The following TTLL8 variants were observed in gnomAD, a reference collection of about 807,000 sequenced individuals.
TTLL8 encodes the protein tubulin tyrosine ligase like 8.
Under a neutral mutation model 77.8 loss-of-function variants are expected in TTLL8, and 65 were observed. That is an observed-to-expected ratio of 0.84 (90% CI 0.68 to 1.03). The LOEUF (loss-of-function observed/expected upper bound fraction) is 1.03. TTLL8 is among the 50% of genes least tolerant of loss of function. TTLL8 has a pLI of 0.00. For missense variants in TTLL8, 910 were observed against 1,004.5 expected, an observed-to-expected ratio of 0.91 and a Z score of 1.27; for synonymous variants, 402 against 422.8, an observed-to-expected ratio of 0.95 and a Z score of 0.60.
intron 6 of TTLL8, among the ~76,000 whole-genome samples, chr22:50,042,021 A>T (rs2061374860): frequency 1.3e-5 from 2 of 152,224 alleles, no homozygotes; most frequent in South Asian, 4.1e-4. Flanking sequence ...GTGTCTGGGC[A>T]GGTGACTTCC....
Position 50,033,451 on chromosome 22 carries a change from A to G in TTLL8, c.1040-6T>C. 7.4e-7 allele frequency: 1 copy of G among 1,358,410 alleles called. No individual in the cohort carries two copies. The highest frequency in any genetic ancestry group is 1.1e-5 in the South Asian group (1 of 87,776). The allele number at this position is 1,358,410 out of a possible 1,614,324, so 84.1% of individuals were successfully genotyped here. A position where few individuals can be genotyped will look rare whatever the true frequency, so the allele number is the denominator to read the frequency against. Reference sequence around the variant, plus strand: ...ACGGTCCATGCACACTATGTCTGCAAGAGGCCACCGCTCAACCCAGCATGC... The same window carrying G: ...ACGGTCCATGCACACTATGTCTGCAGGAGGCCACCGCTCAACCCAGCATGC... On this transcript the variant is annotated splice_region_variant and splice_polypyrimidine_tract_variant and intron_variant, in intron 9 of 13. Coordinates refer to ENST00000266182, the Ensembl canonical transcript of TTLL8.
rs1384168136 is a variant in TTLL8, at chr22:50,041,464, G to T, written c.830+157C>A. ...AAGCATCCCAGACATCCAGACAGGA[G>T]CCCCAACGCCAGGACAGGCATCTCA... On this transcript the variant is annotated intron_variant, in intron 7 of 13. Transcript: ENST00000266182. The surrounding 1 kb of genome is among the most constrained non-coding windows in gnomAD (Gnocchi z 4.3). 2 of 959,798 alleles carry T rather than the reference G, an allele frequency of 2.1e-6. No individual in the cohort carries two copies. The highest frequency in any genetic ancestry group is 2.5e-6 in the Non-Finnish European group (2 of 806,850). The allele number at this position is 959,798 out of a possible 1,614,324, so 59.5% of individuals were successfully genotyped here.
intron 6 of TTLL8, 63 bp downstream of exon 8, chr22:50,045,191 GA>G: frequency 7.7e-7 from 1 of 1,297,582 alleles, no homozygotes; most frequent in Non-Finnish European, 1.0e-6. Context: ...CAGGAGGCGG[GA>G]GGGCCCCTGT....
rs756272911 is a variant in TTLL8, at chr22:50,033,190, C to T, written c.1283+12G>A. 1.5e-6 allele frequency: 2 copies of T among 1,310,190 alleles called. No homozygotes were observed. The highest frequency in any genetic ancestry group is 1.0e-6 in the Non-Finnish European group (1 of 989,562). 81.2% of individuals were successfully genotyped at this position (1,310,190 alleles called of 1,614,324 possible). Reference sequence around the variant, plus strand: ...CCTGGCCCGAGGTGTCCAGGTCGCCCACCGCACTGACCTGTCCAGCTTGTC... The same window carrying T: ...CCTGGCCCGAGGTGTCCAGGTCGCCTACCGCACTGACCTGTCCAGCTTGTC... On this transcript the variant is annotated intron_variant, in intron 10 of 13. Coordinates refer to ENST00000266182, the Ensembl canonical transcript of TTLL8.
At chr22:50,056,261 G>A (rs1286923553), upstream of TTLL8, among the ~76,000 whole-genome samples, 1 of 152,112 alleles carries the variant, frequency 6.6e-6, no homozygotes, top group Admixed American at 6.5e-5. The surrounding 1 kb of genome is among the most constrained non-coding windows in gnomAD (Gnocchi z 4.1). Context: ...TCCCGGAACC[G>A]CACTCCGAGA....
chr22:50,032,707 C>T (rs756016202), intron 10 of TTLL8, among the ~76,000 whole-genome samples: 3 of 152,184 alleles, frequency 2.0e-5, no homozygotes, highest in Non-Finnish European at 4.4e-5. Context: ...CAGAGGAAGC[C>T]TTGGTGCAGA....
rs200850321 is a variant in TTLL8, at chr22:50,049,311, C to T, written c.202G>A (p.Ala68Thr). 1.1e-3 allele frequency: 1,533 copies of T among 1,367,596 alleles called. 14 individuals are homozygous for T. Among genetic ancestry groups the T allele is most frequent in the East Asian group, 7.3e-4 (16 of 21,994 alleles). The allele number at this position is 1,367,596 out of a possible 1,614,324, so 84.7% of individuals were successfully genotyped here. The change falls in exon 3 of 14, where the codon GCC becomes ACC. Residue 68 changes from alanine (A) to threonine (T), a missense_variant. Physicochemically the swap from Ala to Thr is moderately conservative, Grantham distance 58. Transcript: ENST00000266182. ...ATTTCTTGATTTTCTTTGACTTTGG[C>T]ACATGTATCATCTGCCAACAAAACA...
intron 12 of TTLL8, among the ~76,000 whole-genome samples, chr22:50,028,160 G>A (rs1277633893): frequency 2.0e-5 from 3 of 152,248 alleles, no homozygotes; most frequent in Non-Finnish European, 4.4e-5. Flanking sequence ...GGGCAGGAGG[G>A]TCTGGAGGGA....
At chr22:50,052,623 G>A (rs1199971955) in intron 1 of TTLL8, among the ~76,000 whole-genome samples, 2 of 152,124 alleles carry the variant, frequency 1.3e-5, no homozygotes, top group African/African-American at 4.8e-5. Flanking sequence ...GGTAGAAAAG[G>A]AAAAGATAGA....
chr22:50,031,493 A>T (rs1214507999), intron 11 of TTLL8, 193 bp downstream of exon 12: 1 of 960,556 alleles, frequency 1.0e-6, no homozygotes. Flanking sequence ...CCGACGAGGC[A>T]CTGAGCCCCA....
At chr22:50,042,650 C>G (rs1342926715) in intron 6 of TTLL8, among the ~76,000 whole-genome samples, 1 of 152,156 alleles carries the variant, frequency 6.6e-6, no homozygotes, top group African/African-American at 2.4e-5. Context: ...GAAATGGAGG[C>G]TAGGCACAGT....
intron 1 of TTLL8, 97 bp from the exon 4 acceptor site, chr22:50,050,344 A>T: frequency 2.4e-6 from 2 of 828,198 alleles, no homozygotes; most frequent in Non-Finnish European, 3.4e-6. Flanking sequence ...CTGGTTTCTG[A>T]GATTTGGGGG....
intron 6 of TTLL8, among the ~76,000 whole-genome samples, chr22:50,043,866 G>T (rs758471812): frequency 6.6e-6 from 1 of 152,122 alleles, no homozygotes; most frequent in African/African-American, 2.4e-5. Context: ...GCTCGGGGGC[G>T]GGGGGATGAA....
At chr22:50,036,521 G>A (rs2061337810) in intron 8 of TTLL8, among the ~76,000 whole-genome samples, 1 of 152,098 alleles carries the variant, frequency 6.6e-6, no homozygotes, top group African/African-American at 2.4e-5. Context: ...ACTGCAGACA[G>A]GGCTGCCCTG....
At chr22:50,028,420 C>T (rs1855985500) in intron 12 of TTLL8, among the ~76,000 whole-genome samples, 1 of 152,192 alleles carries the variant, frequency 6.6e-6, no homozygotes, top group Non-Finnish European at 1.5e-5. Flanking sequence ...GAGTGATCCC[C>T]ACACCTGGGA....
In TTLL8 at chr22:50,051,692, A is replaced by G. The variant is rs185930479; in HGVS notation, c.52-1445T>C. 1.2e-3 allele frequency among the ~76,000 whole-genome samples: 182 copies of G among 152,038 alleles called. 4 individuals are homozygous for G. The highest frequency in any genetic ancestry group is 4.1e-3 in the African/African-American group (170 of 41,460). On this transcript the variant is annotated intron_variant, in intron 1 of 13. Transcript: ENST00000266182. ...TTCCCTGTTCACCACTTCCACGCGG[A>G]CCTCTATTACTTTTTCACTCTTTCA... is the stretch of plus-strand genomic sequence containing the variant.
intron 12 of TTLL8, among the ~76,000 whole-genome samples, chr22:50,022,364 T>C (rs931218484): frequency 4.1e-5 from 6 of 144,738 alleles, no homozygotes; most frequent in African/African-American, 1.3e-4. Context: ...CTCCATCTGA[T>C]GATGTGTACT....
In TTLL8 at chr22:50,027,851, C is replaced by T. The variant is rs936976434; in HGVS notation, c.2203+2579G>A. 4.1e-6 allele frequency: 4 copies of T among 970,000 alleles called. No individual in the cohort carries two copies. In the African/African-American group the frequency reaches 7.0e-5, roughly 17 times the overall value. The allele number at this position is 970,000 out of a possible 1,614,324, so 60.1% of individuals were successfully genotyped here. A position where few individuals can be genotyped will look rare whatever the true frequency, so the allele number is the denominator to read the frequency against. On this transcript the variant is annotated intron_variant, in intron 12 of 13. Coordinates refer to ENST00000266182, the Ensembl canonical transcript of TTLL8. The stretch of plus-strand genomic sequence containing the variant: ...GAGTCTGGAAGCAAGCCCAGCTCCT[C>T]CCGGCCGTGCCCTCGAGGGCCTGAC...
At position 50,030,849 on chromosome 22, in the gene TTLL8, T is replaced by C. The variant is rs746107755; in HGVS notation, c.1784A>G (p.Gln595Arg). The change falls in exon 12 of 14, where the codon CAG (glutamine) becomes CGG (arginine). Residue 595 changes from glutamine (Q) to arginine (R), a missense_variant. Gln to Arg is a conservative substitution (Grantham distance 43). Transcript: ENST00000266182. ...CTTGAGGTTGCAGACGGGCAGCACC[T>C]GCCTCCTGGCTCTCCTCACACTGAC... 4.5e-6 allele frequency: 6 copies of C among 1,338,760 alleles called. No individual in the cohort carries two copies. In the East Asian group the frequency reaches 2.4e-4, roughly 54 times the overall value. 82.9% of individuals were successfully genotyped at this position (1,338,760 alleles called of 1,614,324 possible).
Sources: gnomAD v4.1 joint callset for allele counts (sites outside exome capture counted in the v4.1 genomes callset) on GRCh38, gnomAD v4.1.1 for gene constraint, Gnocchi (gnomAD v3.1) non-coding constraint, MANE v1.5 for transcripts, NCBI Gene and HGNC (gene_info 2026-07-23, HGNC 2026-07-21) for gene names.